Variants in TACR3 observed in about 807,000 individuals in gnomAD.
TACR3 encodes tachykinin receptor 3.
In TACR3, 34 loss-of-function variants were observed where a neutral mutation model predicts 35.0. That is an observed-to-expected ratio of 0.97 (90% CI 0.74 to 1.30). The LOEUF is 1.30. TACR3 is among the 50% of genes most tolerant of loss of function. The pLI is 0.00. For missense variants in TACR3, 558 were observed against 591.7 expected, an observed-to-expected ratio of 0.94 and a Z score of 0.59; for synonymous variants, 233 against 221.1, an observed-to-expected ratio of 1.05 and a Z score of -0.48.
chr4:103,633,870 T>C (rs1422208872), intron 3 of TACR3, among the ~76,000 whole-genome samples: 1 of 152,066 alleles, frequency 6.6e-6, no homozygotes, highest in Non-Finnish European at 1.5e-5. Flanking sequence ...TTCCTAACTT[T>C]AGTTAGTTCT....
intron 3 of TACR3, among the ~76,000 whole-genome samples, chr4:103,616,065 T>C (rs1357030534): frequency 2.0e-5 from 3 of 152,220 alleles, no homozygotes; most frequent in Non-Finnish European, 4.4e-5. Context: ...TTCAATGTTA[T>C]GGATTCATAC....
rs1043921427 is a variant in TACR3 at position 103,656,214 on chromosome 4, G to A, written c.868C>T (p.Gln290Ter). The change falls in exon 3 of 5, where the codon CAG becomes TAG. Residue 290 changes from glutamine to a stop codon, truncating the protein, a stop_gained. Coordinates refer to ENST00000304883, the MANE Select transcript of TACR3 (RefSeq NM_001059.3). LOFTEE classifies it high-confidence loss of function. ...PGDTCDKYHE[Q>*]LKAKRKVVKM... ...AGTACCTTTCTTTTGGCCTTTAGCT[G>A]CTCATGATACTTGTCACAGGTATCT... is the stretch of plus-strand genomic sequence containing the variant. 1.9e-6 allele frequency: 3 copies of A among 1,612,888 alleles called. No individual in the cohort carries two copies. The highest frequency in any genetic ancestry group is 3.3e-5 in the Admixed American group (2 of 59,912).
At chr4:103,635,018 C>A (rs9993353) in intron 3 of TACR3, among the ~76,000 whole-genome samples, 4,275 of 152,036 alleles carry the variant, frequency 0.028, 210 homozygotes, top group African/African-American at 0.097. Flanking sequence ...AGATTCTGAG[C>A]TAGTTTCAGT....
intron 3 of TACR3, among the ~76,000 whole-genome samples, chr4:103,645,227 G>A (rs73835389): frequency 0.03 from 4,585 of 151,884 alleles, 232 homozygotes; most frequent in African/African-American, 0.1. Flanking sequence ...TCACTAAGCA[G>A]GGTAGTAAAG....
In TACR3 at chr4:103,664,321, T is replaced by C. The variant is rs1404403376; in HGVS notation, c.549-5918A>G. Reference sequence around the variant, plus strand: ...TAGTTTGGATGTAACTTTTGTCTGATGTCAATAAGAAAGCCTTTCCAATTT... The same window carrying C: ...TAGTTTGGATGTAACTTTTGTCTGACGTCAATAAGAAAGCCTTTCCAATTT... On this transcript the variant is annotated intron_variant, in intron 1 of 4. Transcript: ENST00000304883. Among the ~76,000 whole-genome samples, 3 of 152,212 alleles carry C rather than the reference T, an allele frequency of 2.0e-5. No individual in the cohort carries two copies. The East Asian group carries it at 5.8e-4, about 29-fold the overall frequency.
intron 1 of TACR3, among the ~76,000 whole-genome samples, chr4:103,680,498 C>T (rs997629883): frequency 1.4e-5 from 2 of 146,356 alleles, no homozygotes; most frequent in Non-Finnish European, 3.0e-5. Flanking sequence ...CATACATACA[C>T]ACACACACAC....
intron 1 of TACR3, among the ~76,000 whole-genome samples, chr4:103,665,625 T>A (rs5005634): frequency 6.6e-6 from 1 of 151,912 alleles, no homozygotes; most frequent in African/African-American, 2.4e-5. Flanking sequence ...CAGAGTCTAA[T>A]GCAGAAGAAA....
intron 4 of TACR3, among the ~76,000 whole-genome samples, chr4:103,590,436 C>T (rs1213646653): frequency 1.3e-5 from 2 of 152,158 alleles, no homozygotes; most frequent in African/African-American, 2.4e-5. Flanking sequence ...ATTAAAGTCT[C>T]GTTTAATGTT....
chr4:103,604,325 C>T (rs1270261553), intron 3 of TACR3, among the ~76,000 whole-genome samples: 3 of 152,202 alleles, frequency 2.0e-5, no homozygotes, highest in Admixed American at 1.3e-4. Flanking sequence ...GCTGGGAAAA[C>T]TGGCTAGCCA....
intron 1 of TACR3, among the ~76,000 whole-genome samples, chr4:103,692,045 G>A (rs967459355): frequency 6.6e-6 from 1 of 151,996 alleles, no homozygotes; most frequent in Non-Finnish European, 1.5e-5. Flanking sequence ...ATTCCTCTAG[G>A]AACCTGGGTT....
chr4:103,708,396 G>A (rs1380572051), intron 1 of TACR3, among the ~76,000 whole-genome samples: 1 of 152,130 alleles, frequency 6.6e-6, no homozygotes, highest in Non-Finnish European at 1.5e-5. Flanking sequence ...TGGCAAACAG[G>A]GTCTGGAGTG....
chr4:103,695,452 A>G (rs1317519896), intron 1 of TACR3, among the ~76,000 whole-genome samples: 1 of 152,158 alleles, frequency 6.6e-6, no homozygotes, highest in African/African-American at 2.4e-5. Flanking sequence ...AATGAATAGT[A>G]TATTTTCTCT....
intron 3 of TACR3, among the ~76,000 whole-genome samples, chr4:103,632,075 C>T (rs542491289): frequency 4.1e-4 from 62 of 152,172 alleles, no homozygotes; most frequent in Admixed American, 6.5e-4. Context: ...CAAATATTCA[C>T]AAATAGCCTA....
intron 1 of TACR3, among the ~76,000 whole-genome samples, chr4:103,696,478 T>G (rs1304858805): frequency 6.6e-6 from 1 of 152,216 alleles, no homozygotes; most frequent in African/African-American, 2.4e-5. Context: ...ATTTGCCTTC[T>G]TCTTGCCATA....
chr4:103,597,431 G>A (rs184519210), intron 3 of TACR3, among the ~76,000 whole-genome samples: 1 of 152,158 alleles, frequency 6.6e-6, no homozygotes, highest in Non-Finnish European at 1.5e-5. Context: ...AAAACTGCTT[G>A]TTTTGATTAG....
intron 1 of TACR3, among the ~76,000 whole-genome samples, chr4:103,714,619 G>A (rs1312943105): frequency 6.6e-6 from 1 of 152,094 alleles, no homozygotes; most frequent in Non-Finnish European, 1.5e-5. Flanking sequence ...ATCATTTGCG[G>A]TAACTAGTGA....
intron 3 of TACR3, among the ~76,000 whole-genome samples, chr4:103,614,318 T>G (rs1026736766): frequency 6.6e-6 from 1 of 152,200 alleles, no homozygotes; most frequent in Non-Finnish European, 1.5e-5. Flanking sequence ...TCTTGTTATT[T>G]TGTGGAAATA....
chr4:103,713,327 A>G (rs1484901779), intron 1 of TACR3, among the ~76,000 whole-genome samples: 1 of 152,024 alleles, frequency 6.6e-6, no homozygotes, highest in Non-Finnish European at 1.5e-5. Context: ...TTGTAGGGAC[A>G]TGGATGAAGC....
intron 1 of TACR3, among the ~76,000 whole-genome samples, chr4:103,704,284 T>C (rs955400980): frequency 1.3e-5 from 2 of 152,038 alleles, no homozygotes; most frequent in Non-Finnish European, 2.9e-5. Flanking sequence ...TTGGATGCAA[T>C]GTGTTAAAAA....
Sources: allele counts gnomAD v4.1 joint callset (sites outside exome capture counted in the v4.1 genomes callset), GRCh38; gene constraint gnomAD v4.1.1; transcripts MANE v1.5; gene names NCBI Gene and HGNC (gene_info 2026-07-23, HGNC 2026-07-21).